Variants in IL1RAPL1 observed in about 807,000 individuals in gnomAD.
IL1RAPL1 encodes interleukin-1 receptor accessory protein-like 1.
In IL1RAPL1, 3 loss-of-function variants were observed where a neutral mutation model predicts 48.4. That is an observed-to-expected ratio of 0.06 (90% CI 0.03 to 0.16). The LOEUF is 0.16. Among genes scored for constraint, IL1RAPL1 ranks in the 10% least tolerant of loss-of-function variants. IL1RAPL1 has a pLI of 1.00. For synonymous variants in IL1RAPL1, 185 were observed against 187.7 expected, an observed-to-expected ratio of 0.99 and a Z score of 0.12; for missense variants, 349 against 530.6, an observed-to-expected ratio of 0.66 and a Z score of 3.36.
chrX:29,538,425 C>T (rs1270963230), intron 5 of IL1RAPL1, among the ~76,000 whole-genome samples: 1 of 98,501 alleles, frequency 1.0e-5, no homozygotes, highest in African/African-American at 3.8e-5. Flanking sequence ...GCAACCTCCG[C>T]CTCCTGGGTT....
At chrX:28,608,438 C>T in intron 1 of IL1RAPL1, among the ~76,000 whole-genome samples, 1 of 112,291 alleles carries the variant, frequency 8.9e-6, no homozygotes, top group Non-Finnish European at 1.9e-5. Context: ...GACCACTTCA[C>T]TTAATGTGAT....
Position 29,348,174 on chromosome X carries a change from G to C in IL1RAPL1, c.363-48084G>C, listed in dbSNP as rs1439073068. On this transcript the variant is annotated intron_variant, in intron 3 of 10. Transcript: ENST00000378993. ...GGCCCGAAGAAAATATTAAAACAAA[G>C]TGGTATAAAGTATTATAAATTAGAG... Among the ~76,000 whole-genome samples the C allele has an allele frequency of 3.6e-5, 4 of 112,030 alleles. No homozygotes were observed. The East Asian group carries it at 1.1e-3, about 31-fold the overall frequency.
intron 2 of IL1RAPL1, among the ~76,000 whole-genome samples, chrX:28,941,735 G>T (rs758693136): frequency 9.0e-6 from 1 of 111,042 alleles, no homozygotes. Flanking sequence ...GCTCAAGAGG[G>T]TGATTACATC....
intron 2 of IL1RAPL1, among the ~76,000 whole-genome samples, chrX:28,920,568 G>T (rs1432895460): frequency 9.0e-6 from 1 of 111,703 alleles, no homozygotes; most frequent in Non-Finnish European, 1.9e-5. Context: ...TGTAGTTTTG[G>T]GGTGTTGTGG....
At chrX:29,290,691 G>T (rs1024114042) in intron 3 of IL1RAPL1, among the ~76,000 whole-genome samples, 4 of 111,841 alleles carry the variant, frequency 3.6e-5, no homozygotes, top group African/African-American at 9.7e-5. Context: ...GATCTTGCCT[G>T]TGGTCACCTG....
intron 2 of IL1RAPL1, among the ~76,000 whole-genome samples, chrX:28,834,530 G>T (rs1212770828): frequency 9.0e-6 from 1 of 111,109 alleles, no homozygotes; most frequent in East Asian, 2.8e-4. Context: ...AGTGGGTAAT[G>T]TGTGAGTGTG....
At chrX:29,126,787 T>A (rs1341433267) in intron 2 of IL1RAPL1, among the ~76,000 whole-genome samples, 1 of 111,936 alleles carries the variant, frequency 8.9e-6, no homozygotes. Flanking sequence ...ATCTATTGAG[T>A]AGTAAATTTA....
intron 2 of IL1RAPL1, among the ~76,000 whole-genome samples, chrX:29,027,866 C>G (rs1004273138): frequency 9.1e-6 from 1 of 110,121 alleles, no homozygotes; most frequent in African/African-American, 3.3e-5. Context: ...AAGGTCTTTA[C>G]TGCGTTTTTA....
intron 6 of IL1RAPL1, among the ~76,000 whole-genome samples, chrX:29,823,372 A>G (rs912865443): frequency 8.9e-6 from 1 of 112,066 alleles, no homozygotes; most frequent in African/African-American, 3.2e-5. Flanking sequence ...CAGAAGTCTC[A>G]AGTGTGAAAT....
chrX:29,253,024 A>AT (rs1169493463), intron 2 of IL1RAPL1, among the ~76,000 whole-genome samples: 1 of 111,251 alleles, frequency 9.0e-6, no homozygotes, highest in Non-Finnish European at 1.9e-5. Flanking sequence ...TATTTTAGTA[A>AT]TTTTTAAAAA....
At chrX:29,801,015 A>AC (rs1421972900) in intron 6 of IL1RAPL1, among the ~76,000 whole-genome samples, 2 of 65,659 alleles carry the variant, frequency 3.0e-5, no homozygotes, top group African/African-American at 1.2e-4. Context: ...AAAAAAAAAA[A>AC]AAAAAAAAAA....
chrX:29,732,006 G>GAT (rs1176352022), intron 6 of IL1RAPL1, among the ~76,000 whole-genome samples: 1 of 111,896 alleles, frequency 8.9e-6, no homozygotes, highest in Non-Finnish European at 1.9e-5. Context: ...ACAAAAAGAA[G>GAT]ATATATATAG....
Position 29,003,076 on chromosome X carries a change from G to T in IL1RAPL1, c.82+213651G>T, listed in dbSNP as rs942663390. 3.6e-5 allele frequency among the ~76,000 whole-genome samples: 4 copies of T among 110,921 alleles called. No homozygotes were observed. The South Asian group carries it at 1.5e-3, about 43-fold the overall frequency. On this transcript the variant is annotated intron_variant, in intron 2 of 10. Coordinates refer to ENST00000378993, the MANE Select transcript of IL1RAPL1 (RefSeq NM_014271.4). ...TAATAAATATAATTATAGGAAGGAG[G>T]GGGGACAGGGTAGGTGTTAAAAAGG...
chrX:29,282,831 A>G (rs1328629289), intron 2 of IL1RAPL1, 107 bp from the exon 3 acceptor site: 14 of 821,692 alleles, frequency 1.7e-5, no homozygotes, highest in Non-Finnish European at 1.9e-5. Context: ...ATCTGACCCA[A>G]TATGGATGCT....
intron 2 of IL1RAPL1, among the ~76,000 whole-genome samples, chrX:28,874,446 C>T (rs1431531848): frequency 9.0e-6 from 1 of 111,520 alleles, no homozygotes; most frequent in Non-Finnish European, 1.9e-5. Context: ...ATCATATGTC[C>T]CAAATATATG....
At chrX:28,665,343 T>G (rs1934863816) in intron 1 of IL1RAPL1, among the ~76,000 whole-genome samples, 1 of 111,722 alleles carries the variant, frequency 9.0e-6, no homozygotes, top group Non-Finnish European at 1.9e-5. Flanking sequence ...AACAAGGAAT[T>G]TAAAAAAGTG....
At chrX:29,188,051 A>T (rs1309868384) in intron 2 of IL1RAPL1, among the ~76,000 whole-genome samples, 1 of 112,035 alleles carries the variant, frequency 8.9e-6, no homozygotes, top group East Asian at 2.8e-4. Flanking sequence ...GTAAGAGCTA[A>T]GTAAGCAGTG....
intron 3 of IL1RAPL1, among the ~76,000 whole-genome samples, chrX:29,336,827 C>A (rs755980102): frequency 9.0e-6 from 1 of 111,473 alleles, no homozygotes; most frequent in Non-Finnish European, 1.9e-5. Flanking sequence ...GGGCAAGACA[C>A]CTGTCACATG....
intron 1 of IL1RAPL1, among the ~76,000 whole-genome samples, chrX:28,746,321 A>T (rs1935977647): frequency 8.9e-6 from 1 of 111,774 alleles, no homozygotes; most frequent in Non-Finnish European, 1.9e-5. Context: ...CTGAGGACAA[A>T]ATGAAAGTAA....
Sources: allele counts gnomAD v4.1 joint callset (sites outside exome capture counted in the v4.1 genomes callset), GRCh38; gene constraint gnomAD v4.1.1; transcripts MANE v1.5; gene names NCBI Gene and HGNC (gene_info 2026-07-23, HGNC 2026-07-21).